CPXM2: variants seen among roughly 807,000 people sequenced by gnomAD.
The protein encoded by CPXM2 is inactive carboxypeptidase-like protein X2.
A neutral mutation model predicts 86.1 loss-of-function variants in CPXM2; 66 were observed. That is an observed-to-expected ratio of 0.77 (90% CI 0.63 to 0.94). CPXM2 has a LOEUF of 0.94. Among genes scored for constraint, CPXM2 ranks in the 40% least tolerant of loss-of-function variants. CPXM2 has a pLI of 0.00. For synonymous variants in CPXM2, 388 were observed against 400.2 expected, an observed-to-expected ratio of 0.97 and a Z score of 0.36; for missense variants, 948 against 1,026.3, an observed-to-expected ratio of 0.92 and a Z score of 1.04.
At chr10:123,839,889 T>C (rs895904012) in intron 4 of CPXM2, among the ~76,000 whole-genome samples, 5 of 152,162 alleles carry the variant, frequency 3.3e-5, no homozygotes, top group Non-Finnish European at 5.9e-5. Context: ...TTGAAATACA[T>C]TTTTTAAAAG....
chr10:123,920,326 G>A (rs185238143), intron 2 of CPXM2, among the ~76,000 whole-genome samples: 183 of 152,220 alleles, frequency 1.2e-3, no homozygotes, highest in African/African-American at 4.1e-3. Flanking sequence ...GATATATTCA[G>A]ATGAAGGAAA....
chr10:123,841,012 T>C (rs1249908718), intron 4 of CPXM2, among the ~76,000 whole-genome samples: 2 of 152,170 alleles, frequency 1.3e-5, no homozygotes, highest in South Asian at 2.1e-4. Flanking sequence ...GAGTGCAGTA[T>C]AGATGGGAGG....
intron 2 of CPXM2, among the ~76,000 whole-genome samples, chr10:123,908,527 GGAGACAGACATGCAGAT>G (rs1428292590): frequency 6.6e-6 from 1 of 152,156 alleles, no homozygotes; most frequent in East Asian, 1.9e-4. Flanking sequence ...AGCCTAGTAG[GGAGACAGACATGCAGAT>G]GAGGACCACC....
At chr10:123,924,250 A>T (rs1185049830) in intron 2 of CPXM2, among the ~76,000 whole-genome samples, 3 of 152,220 alleles carry the variant, frequency 2.0e-5, no homozygotes, top group Non-Finnish European at 4.4e-5. Context: ...TGAAGGGCTC[A>T]GTCCCACAAG....
intron 9 of CPXM2, among the ~76,000 whole-genome samples, chr10:123,768,285 A>G (rs1277788910): frequency 6.6e-6 from 1 of 152,086 alleles, no homozygotes; most frequent in African/African-American, 2.4e-5. Flanking sequence ...GGCTGAGGCA[A>G]ATCGCTTGAA....
intron 3 of CPXM2, among the ~76,000 whole-genome samples, chr10:123,862,162 C>CG (rs1564802893): frequency 6.6e-6 from 1 of 152,122 alleles, no homozygotes; most frequent in Admixed American, 6.5e-5. Flanking sequence ...GGGCTTGACC[C>CG]GGGGGAACAC....
At chr10:123,831,092 A>T (rs1488633842) in intron 4 of CPXM2, among the ~76,000 whole-genome samples, 1 of 152,186 alleles carries the variant, frequency 6.6e-6, no homozygotes, top group Non-Finnish European at 1.5e-5. Context: ...TAAACTTAGA[A>T]ATATTATCTA....
At chr10:123,822,988 G>A (rs1237483414) in intron 4 of CPXM2, among the ~76,000 whole-genome samples, 1 of 152,092 alleles carries the variant, frequency 6.6e-6, no homozygotes, top group South Asian at 2.1e-4. Flanking sequence ...CTGCTGAGTT[G>A]TACACATTAA....
chr10:123,872,893 C>T (rs1944915871), intron 2 of CPXM2, among the ~76,000 whole-genome samples: 1 of 151,558 alleles, frequency 6.6e-6, no homozygotes, highest in Non-Finnish European at 1.5e-5. Flanking sequence ...TTTGTATAAT[C>T]CAAGAGTCAT....
chr10:123,883,756 C>G (rs929833497), intron 1 of CPXM2, among the ~76,000 whole-genome samples: 1 of 152,170 alleles, frequency 6.6e-6, no homozygotes, highest in Non-Finnish European at 1.5e-5. Context: ...GGGGACAGAG[C>G]TGGAGAATGA....
intron 4 of CPXM2, among the ~76,000 whole-genome samples, chr10:123,815,375 T>A (rs999988572): frequency 5.9e-4 from 90 of 152,292 alleles, no homozygotes; most frequent in African/African-American, 2.0e-3. Flanking sequence ...GAAAGGTGCA[T>A]ACACAGCCTC....
upstream of CPXM2, among the ~76,000 whole-genome samples, chr10:123,942,493 T>C (rs1029724710): frequency 6.6e-6 from 1 of 152,306 alleles, no homozygotes; most frequent in East Asian, 1.9e-4. Context: ...TATATGCTAA[T>C]TATAATGCAT....
chr10:123,905,489 G>A (rs912245099), intron 2 of CPXM2, among the ~76,000 whole-genome samples: 4 of 152,144 alleles, frequency 2.6e-5, no homozygotes, highest in South Asian at 2.1e-4. Context: ...TGACCCTGCC[G>A]TTTGAGCCCC....
Position 123,789,249 on chromosome 10 carries a change from T to C in CPXM2, c.889+8727A>G, listed in dbSNP as rs549726740. The stretch of plus-strand genomic sequence containing the variant: ...CTCACCTGATCCTGGGTCATCACTG[T>C]CAGCAAGAACATCAAACCTGCCGCC... On this transcript the variant is annotated intron_variant, in intron 6 of 13. Coordinates refer to ENST00000241305, the MANE Select transcript of CPXM2 (RefSeq NM_198148.3). Among the ~76,000 whole-genome samples, 108 of 152,334 alleles carry C rather than the reference T, an allele frequency of 7.1e-4. No homozygotes were observed. In the Middle Eastern group the frequency reaches 0.01, roughly 14 times the overall value.
intron 11 of CPXM2, among the ~76,000 whole-genome samples, chr10:123,758,854 T>G (rs917559104): frequency 3.3e-5 from 5 of 152,138 alleles, no homozygotes; most frequent in African/African-American, 1.2e-4. Flanking sequence ...TGGACAACTT[T>G]CCTTCATTCT....
chr10:123,794,610 G>A (rs1354203894), intron 6 of CPXM2, among the ~76,000 whole-genome samples: 1 of 152,064 alleles, frequency 6.6e-6, no homozygotes, highest in African/African-American at 2.4e-5. Flanking sequence ...AATCTCCCCA[G>A]GTTCTGATAA....
rs112454653 is a variant in CPXM2, at chr10:123,752,987, G to A, written c.2017+1676C>T. ...GTGTGTTAGAAGGGAGACATGCCAC[G>A]GGGAAGGGACAAAGTTGGGGCAGGT... On this transcript the variant is annotated intron_variant, in intron 13 of 13. Coordinates refer to ENST00000241305, the MANE Select transcript of CPXM2 (RefSeq NM_198148.3). Among the ~76,000 whole-genome samples the A allele has an allele frequency of 9.4e-3, 1,428 of 152,270 alleles. 18 individuals carry two copies. The highest frequency in any genetic ancestry group is 0.026 in the African/African-American group (1,061 of 41,562).
At chr10:123,859,744 TC>T (rs1269283135) in intron 3 of CPXM2, among the ~76,000 whole-genome samples, 1 of 152,192 alleles carries the variant, frequency 6.6e-6, no homozygotes, top group East Asian at 1.9e-4. Context: ...ATGCACGGCC[TC>T]CTTTTCACCC....
intron 4 of CPXM2, among the ~76,000 whole-genome samples, chr10:123,837,563 T>C (rs1172029342): frequency 6.6e-6 from 1 of 152,202 alleles, no homozygotes; most frequent in East Asian, 1.9e-4. Flanking sequence ...TTAGCACTCA[T>C]ATATCTAATA....
Sources: gnomAD v4.1 joint callset for allele counts (sites outside exome capture counted in the v4.1 genomes callset) on GRCh38, gnomAD v4.1.1 for gene constraint, MANE v1.5 for transcripts, NCBI Gene and HGNC (gene_info 2026-07-23, HGNC 2026-07-21) for gene names.